The following TRMT11 variants were observed in gnomAD, a reference collection of about 807,000 sequenced individuals.
The protein encoded by TRMT11 is tRNA methyltransferase 11.
Under a neutral mutation model 62.8 loss-of-function variants are expected in TRMT11, and 53 were observed. The observed-to-expected ratio is 0.84, with a 90% CI of 0.68 to 1.06. The LOEUF is 1.06. Among genes scored for constraint, TRMT11 ranks in the 50% least tolerant of loss-of-function variants. The pLI is 0.00. For missense variants in TRMT11, 556 were observed against 553.4 expected, an observed-to-expected ratio of 1.00 and a Z score of -0.05; for synonymous variants, 188 against 190.3, an observed-to-expected ratio of 0.99 and a Z score of 0.10.
intron 21 of TRMT11, among the ~76,000 whole-genome samples, chr6:126,135,981 A>G (rs1016813224): frequency 6.6e-6 from 1 of 151,864 alleles, no homozygotes; most frequent in Non-Finnish European, 1.5e-5. Flanking sequence ...TAGAAGGAAC[A>G]TATCTCAACA....
chr6:126,199,777 A>T (rs1282509000), exon 3 of TRMT11: 2 of 152,176 alleles, frequency 1.3e-5, no homozygotes, highest in Non-Finnish European at 2.9e-5. Flanking sequence ...GTTGGTAATA[A>T]ATAATGTGGT....
intron 17 of TRMT11, among the ~76,000 whole-genome samples, chr6:126,060,711 TC>T (rs1776511485): frequency 6.6e-6 from 1 of 152,212 alleles, no homozygotes; most frequent in South Asian, 2.1e-4. Flanking sequence ...TTTCAAAGTT[TC>T]TTCTTTTTTC....
At chr6:126,052,968 CTGGGGAAGA>C (rs1776260723) in intron 16 of TRMT11, among the ~76,000 whole-genome samples, 3 of 152,166 alleles carry the variant, frequency 2.0e-5, no homozygotes, top group Non-Finnish European at 4.4e-5. Context: ...AATCAGCTTT[CTGGGGAAGA>C]CCTGACCCAT....
At position 126,038,700 on chromosome 6, in the gene TRMT11, A is replaced by T; in HGVS notation, c.1261-5A>T. The T allele has an allele frequency of 6.5e-7, 1 of 1,542,884 alleles. No individual in the cohort carries two copies. The highest frequency in any genetic ancestry group is 1.4e-5 in the African/African-American group (1 of 70,524). On this transcript the variant is annotated splice_polypyrimidine_tract_variant and splice_region_variant and intron_variant, in intron 12 of 12. Transcript: ENST00000334379. Reference sequence around the variant, plus strand: ...TTTTACATTTTGTATTTTCCAACCAAACAGAATCGGGACCAGTATTCACAT... The same window carrying T: ...TTTTACATTTTGTATTTTCCAACCATACAGAATCGGGACCAGTATTCACAT...
chr6:126,154,879 C>A (rs759263536), intron 21 of TRMT11, among the ~76,000 whole-genome samples: 1 of 152,098 alleles, frequency 6.6e-6, no homozygotes, highest in African/African-American at 2.4e-5. Context: ...GCTCGTGCAC[C>A]CTTGATTTTG....
At chr6:126,028,908 T>C (rs1040636168) in intron 12 of TRMT11, among the ~76,000 whole-genome samples, 2 of 152,160 alleles carry the variant, frequency 1.3e-5, no homozygotes, top group Non-Finnish European at 2.9e-5. Flanking sequence ...TCCAGCATGT[T>C]TTTAAGCTAT....
chr6:126,253,523 GGCTAGTA>G, the TRMT11 span, among the ~76,000 whole-genome samples: 1 of 152,074 alleles, frequency 6.6e-6, no homozygotes, highest in Non-Finnish European at 1.5e-5. Context: ...ACTTTTTAAA[GGCTAGTA>G]GTACAATAGT....
chr6:126,048,313 A>G (rs771822292), intron 16 of TRMT11, among the ~76,000 whole-genome samples: 26 of 152,212 alleles, frequency 1.7e-4, no homozygotes, highest in Admixed American at 2.0e-4. Flanking sequence ...ATTAAGTAGA[A>G]TTCAAGGCCA....
chr6:126,140,843 C>G (rs572239289), intron 21 of TRMT11, among the ~76,000 whole-genome samples: 205 of 152,082 alleles, frequency 1.3e-3, no homozygotes, highest in African/African-American at 4.8e-3. Flanking sequence ...GGAAATTTTG[C>G]TTTTAAAAAA....
chr6:126,108,916 A>G (rs1194672296), intron 17 of TRMT11, among the ~76,000 whole-genome samples: 1 of 152,138 alleles, frequency 6.6e-6, no homozygotes. Flanking sequence ...TATGGAATTA[A>G]TCGTTTGGTA....
chr6:126,235,905 T>C, the TRMT11 span, among the ~76,000 whole-genome samples: 1 of 152,204 alleles, frequency 6.6e-6, no homozygotes, highest in African/African-American at 2.4e-5. Flanking sequence ...GACAGTTGAG[T>C]CATTCTCTCT....
intron 17 of TRMT11, among the ~76,000 whole-genome samples, chr6:126,080,604 G>A (rs1051394716): frequency 2.3e-4 from 35 of 152,148 alleles, no homozygotes; most frequent in African/African-American, 8.0e-4. Flanking sequence ...GAGGCCTGTA[G>A]CTATTTGTTA....
At chr6:126,232,966 C>T in the TRMT11 span, among the ~76,000 whole-genome samples, 122 of 152,186 alleles carry the variant, frequency 8.0e-4, no homozygotes, top group African/African-American at 2.9e-3. Flanking sequence ...TTTGAATTCT[C>T]TTTTGATGAC....
chr6:125,988,117 GGTAAAGTTTTA>G (rs1789973512), intron 1 of TRMT11, among the ~76,000 whole-genome samples: 1 of 152,128 alleles, frequency 6.6e-6, no homozygotes, highest in Admixed American at 6.6e-5. Context: ...AAATCAGAAG[GGTAAAGTTTTA>G]GGAAGCAGGG....
intron 17 of TRMT11, among the ~76,000 whole-genome samples, chr6:126,055,995 G>A (rs1232627867): frequency 2.0e-5 from 3 of 152,156 alleles, no homozygotes; most frequent in Admixed American, 2.0e-4. Flanking sequence ...TTAGCTCAAT[G>A]TCAAACAATA....
chr6:126,035,365 G>A (rs1248630326), intron 12 of TRMT11, among the ~76,000 whole-genome samples: 2 of 152,110 alleles, frequency 1.3e-5, no homozygotes, highest in Non-Finnish European at 2.9e-5. Flanking sequence ...ATCTCTGGCT[G>A]TGTAAGGGAT....
intron 20 of TRMT11, among the ~76,000 whole-genome samples, chr6:126,115,606 G>A (rs1777577972): frequency 6.6e-6 from 1 of 152,122 alleles, no homozygotes; most frequent in Admixed American, 6.6e-5. Context: ...CAATTAAAAT[G>A]TACATGTTAC....
intron 12 of TRMT11, among the ~76,000 whole-genome samples, chr6:126,032,128 C>G (rs12195025): frequency 2.4e-3 from 362 of 152,218 alleles, no homozygotes; most frequent in Non-Finnish European, 4.4e-3. Flanking sequence ...CATCCCTACT[C>G]CCAGGACCAT....
chr6:126,070,633 C>A (rs1776824727), intron 17 of TRMT11, among the ~76,000 whole-genome samples: 1 of 152,170 alleles, frequency 6.6e-6, no homozygotes, highest in South Asian at 2.1e-4. Flanking sequence ...AGACCTACTG[C>A]TTATTCTCCA....
Sources: allele counts gnomAD v4.1 joint callset (sites outside exome capture counted in the v4.1 genomes callset), GRCh38; gene constraint gnomAD v4.1.1; transcripts MANE v1.5; gene names NCBI Gene and HGNC (gene_info 2026-07-23, HGNC 2026-07-21).